The following MTUS1 variants were observed in gnomAD, a reference collection of about 807,000 sequenced individuals.
The protein encoded by MTUS1 is microtubule associated scaffold protein 1, also known as microtubule-associated tumor suppressor 1.
A neutral mutation model predicts 120.8 loss-of-function variants in MTUS1; 109 were observed. The ratio of observed to expected loss-of-function variants is 0.90; its 90% CI spans 0.77 to 1.06. MTUS1 has a LOEUF of 1.06. MTUS1 is among the 50% of genes least tolerant of loss of function. The pLI is 0.00. For synonymous variants in MTUS1, 737 were observed against 550.5 expected (o/e 1.34, Z -4.74); for missense variants, 2,210 against 1,486.3 (o/e 1.49, Z -8.01).
At chr8:17,772,563 A>G (rs994375699) in intron 1 of MTUS1, among the ~76,000 whole-genome samples, 1 of 152,196 alleles carries the variant, frequency 6.6e-6, no homozygotes, top group Non-Finnish European at 1.5e-5. Context: ...GGCTACAATC[A>G]CTGATGTCAA....
At chr8:17,756,788 G>T (rs1255417277) in intron 1 of MTUS1, among the ~76,000 whole-genome samples, 1 of 151,972 alleles carries the variant, frequency 6.6e-6, no homozygotes, top group Non-Finnish European at 1.5e-5. Context: ...TAGAAGAAGG[G>T]AAAGTGACAC....
chr8:17,752,215 T>TA (rs3837208), intron 2 of MTUS1, among the ~76,000 whole-genome samples: 3 of 65,350 alleles, frequency 4.6e-5, no homozygotes, highest in Non-Finnish European at 1.6e-4. Context: ...CAAATGTCAT[T>TA]AAAGAAAAAG....
chr8:17,697,774 C>G, intron 6 of MTUS1: 1 of 978,256 alleles, frequency 1.0e-6, no homozygotes, highest in Non-Finnish European at 1.2e-6. Flanking sequence ...GTCACAGATC[C>G]TGTAACCACT....
In MTUS1 at chr8:17,765,165, C is replaced by T. The variant is rs148208700; in HGVS notation, c.-154-9204G>A. Reference sequence around the variant, plus strand: ...CACTCCCAGGAGAATCTGATGCTGTCGCTAACATGACAGGAGGTGGAGCTC... The same window carrying T: ...CACTCCCAGGAGAATCTGATGCTGTTGCTAACATGACAGGAGGTGGAGCTC... On this transcript the variant is annotated intron_variant, in intron 1 of 14. Transcript: ENST00000693296. Among the ~76,000 whole-genome samples, 174 of 152,234 alleles carry T rather than the reference C, an allele frequency of 1.1e-3. 1 individual carries two copies. The highest frequency in any genetic ancestry group is 6.8e-3 in the Middle Eastern group (2 of 294).
chr8:17,648,297 A>C (rs1219049299), intron 13 of MTUS1, among the ~76,000 whole-genome samples: 1 of 152,224 alleles, frequency 6.6e-6, no homozygotes, highest in African/African-American at 2.4e-5. Flanking sequence ...TCTTGCACAC[A>C]TACACAATGC....
At chr8:17,654,509 T>C in intron 10 of MTUS1, 52 bp downstream of exon 10, 6 of 1,183,202 alleles carry the variant, frequency 5.1e-6, no homozygotes, top group Non-Finnish European at 7.6e-6. Flanking sequence ...TAAAACATCA[T>C]GTGGTTCCTT....
chr8:17,650,228 G>A (rs1806697093), intron 12 of MTUS1, among the ~76,000 whole-genome samples: 1 of 152,180 alleles, frequency 6.6e-6, no homozygotes, highest in South Asian at 2.1e-4. Flanking sequence ...TGTATCAAGA[G>A]AAAAACTTTG....
At position 17,656,080 on chromosome 8, in the gene MTUS1, G is replaced by C; in HGVS notation, c.2906-15C>G. 2 of 1,612,152 alleles carry C rather than the reference G, an allele frequency of 1.2e-6. No individual in the cohort carries two copies. The highest frequency in any genetic ancestry group is 1.7e-6 in the Non-Finnish European group (2 of 1,178,184). Reference sequence around the variant, plus strand: ...TGAAGCAGTGACTGAAAACAGAGGAGAAAGAAGAGGGAAGAGGTCATTTTA... The same window carrying C: ...TGAAGCAGTGACTGAAAACAGAGGACAAAGAAGAGGGAAGAGGTCATTTTA... On this transcript the variant is annotated splice_polypyrimidine_tract_variant and intron_variant, in intron 8 of 14. Transcript: ENST00000693296.
At chr8:17,675,398 G>C (rs956228664) in intron 7 of MTUS1, 146 bp from the exon 8 acceptor site, 1 of 634,664 alleles carries the variant, frequency 1.6e-6, no homozygotes, top group Non-Finnish European at 2.7e-6. Context: ...GTTGTTAAAA[G>C]AAACACAGTT....
intron 6 of MTUS1, among the ~76,000 whole-genome samples, chr8:17,703,013 C>T (rs1304916902): frequency 6.6e-6 from 1 of 152,070 alleles, no homozygotes; most frequent in Non-Finnish European, 1.5e-5. Context: ...ACCTCAGGAC[C>T]CTGTGATGAT....
In MTUS1 at chr8:17,684,422, T is replaced by C; in HGVS notation, c.2744A>G (p.Gln915Arg). 1.2e-6 allele frequency: 2 copies of C among 1,614,206 alleles called. No individual in the cohort carries two copies. Among genetic ancestry groups the C allele is most frequent in the Non-Finnish European group, 1.7e-6 (2 of 1,180,018 alleles). ...CTTGAGCTGCAGGATAAATCCACTT[T>C]GGTTTTCACATTTTGTTTTATATTG... is the stretch of plus-strand genomic sequence containing the variant. ...LTQYKTKCEN[Q>R]SGFILQLKQL... Residue 915 changes from glutamine to arginine, a missense_variant, in exon 7 of 15, where the codon CAA becomes CGA. Gln to Arg is a conservative substitution (Grantham distance 43, BLOSUM62 1). Coordinates refer to ENST00000693296, the MANE Select transcript of MTUS1 (RefSeq NM_001363059.2).
In MTUS1 at chr8:17,653,667, T is replaced by G. The variant is rs988469475; in HGVS notation, c.3215-169A>C. The G allele has an allele frequency of 1.4e-5, 8 of 570,458 alleles. No individual in the cohort carries two copies. The East Asian group carries it at 1.6e-4, about 11-fold the overall frequency. 35.3% of individuals were successfully genotyped at this position (570,458 alleles called of 1,614,324 possible). On this transcript the variant is annotated intron_variant, in intron 10 of 14. Coordinates refer to ENST00000693296, the MANE Select transcript of MTUS1 (RefSeq NM_001363059.2). ...TGGCCATCTGTTCTCAAAATGGCCT[T>G]GAGAGGTGGTTAGGGTAGACATTCC... is the stretch of plus-strand genomic sequence containing the variant.
At chr8:17,680,822 G>C (rs1419653211) in intron 7 of MTUS1, among the ~76,000 whole-genome samples, 1 of 152,174 alleles carries the variant, frequency 6.6e-6, no homozygotes, top group Admixed American at 6.5e-5. Context: ...TTCGGGGACT[G>C]AGCAGACACA....
chr8:17,745,064 A>C (rs1224392969), intron 2 of MTUS1, among the ~76,000 whole-genome samples: 1 of 152,184 alleles, frequency 6.6e-6, no homozygotes, highest in African/African-American at 2.4e-5. Context: ...TGGTCCTCAT[A>C]TTTGGGTCAG....
At chr8:17,711,383 C>T (rs1032957260) in intron 6 of MTUS1, among the ~76,000 whole-genome samples, 3 of 152,224 alleles carry the variant, frequency 2.0e-5, no homozygotes, top group Non-Finnish European at 4.4e-5. Context: ...GCACTTGCTG[C>T]TTCGCCCTGT....
chr8:17,687,387 T>G (rs890574100), intron 6 of MTUS1, among the ~76,000 whole-genome samples: 16 of 152,158 alleles, frequency 1.1e-4, no homozygotes, highest in Non-Finnish European at 2.1e-4. Context: ...CAATACGTAC[T>G]TCACAGTACT....
In MTUS1 at chr8:17,753,946, G is replaced by C. The variant is rs747832767; in HGVS notation, c.1862C>G (p.Ser621Cys). Residue 621 changes from serine to cysteine, a missense_variant, in exon 2 of 15, where the codon TCT (serine) becomes TGT (cysteine). Physicochemically the swap from Ser to Cys is moderately radical, Grantham distance 112. Coordinates refer to ENST00000693296, the MANE Select transcript of MTUS1 (RefSeq NM_001363059.2). Reference sequence around the variant, plus strand: ...GGACCCGGTCTCGCATGCTGAGTTAGAAGAACTGGCTTTGTCAACATCTTC... The same window carrying C: ...GGACCCGGTCTCGCATGCTGAGTTACAAGAACTGGCTTTGTCAACATCTTC... Reference protein sequence around the residue: ...NQEDVDKASSSNSACETGSVS... With the variant: ...NQEDVDKASSCNSACETGSVS... 6.8e-6 allele frequency: 11 copies of C among 1,614,004 alleles called. No homozygotes were observed. The highest frequency in any genetic ancestry group is 2.2e-5 in the East Asian group (1 of 44,894).
chr8:17,653,020 C>T (rs117014351), intron 12 of MTUS1, among the ~76,000 whole-genome samples, 166 bp downstream of exon 12: 132 of 152,172 alleles, frequency 8.7e-4, no homozygotes, highest in Middle Eastern at 3.4e-3. Context: ...TAAAACAAGA[C>T]GCCAGTAAGC....
At chr8:17,747,835 G>A (rs567207032) in intron 2 of MTUS1, among the ~76,000 whole-genome samples, 2 of 152,256 alleles carry the variant, frequency 1.3e-5, no homozygotes, top group African/African-American at 4.8e-5. Context: ...CCACGTGGCT[G>A]GGGAAGCCTC....
Sources: allele counts gnomAD v4.1 joint callset (sites outside exome capture counted in the v4.1 genomes callset), GRCh38; gene constraint gnomAD v4.1.1; transcripts MANE v1.5; gene names NCBI Gene and HGNC (gene_info 2026-07-23, HGNC 2026-07-21).